EIF3H: variants seen among roughly 807,000 people sequenced by gnomAD.
EIF3H encodes the protein eukaryotic translation initiation factor 3 subunit H, also known as eIF-3-gamma.
EIF3H carries 26 observed loss-of-function variants against 44.2 expected under a neutral mutation model. The observed-to-expected ratio is 0.59, with a 90% CI of 0.43 to 0.82. EIF3H has a LOEUF of 0.82. Ranked by LOEUF, EIF3H falls within the 40% of genes least tolerant of loss-of-function variation. EIF3H has a pLI of 0.00. For missense variants in EIF3H, 359 were observed against 432.8 expected (o/e 0.83, Z 1.51); for synonymous variants, 166 against 151.9 (o/e 1.09, Z -0.68).
chr8:116,659,028 G>GTTA (rs748650267), intron 2 of EIF3H, 48 bp from the exon 3 acceptor site: 225 of 1,511,090 alleles, frequency 1.5e-4, no homozygotes, highest in Non-Finnish European at 1.9e-4. Flanking sequence ...TTTTAATGAT[G>GTTA]TTACCAACAT....
chr8:116,729,667 A>G (rs1814918611), intron 1 of EIF3H, among the ~76,000 whole-genome samples: 1 of 152,230 alleles, frequency 6.6e-6, no homozygotes, highest in African/African-American at 2.4e-5. Context: ...ACAAAAAACA[A>G]TCAGTATGAG....
At chr8:116,728,365 G>C (rs1586480303) in intron 1 of EIF3H, among the ~76,000 whole-genome samples, 1 of 152,168 alleles carries the variant, frequency 6.6e-6, no homozygotes, top group Admixed American at 6.5e-5. Context: ...CATCTAGGAA[G>C]TAGTAGAGCC....
Position 116,658,753 on chromosome 8 carries a change from GA to G in EIF3H, c.457+59del, listed in dbSNP as rs567088352. ...ACTGCTCTTAGAGGCAAAAAGGACA[GA>G]AAGCAAAAATAGTAGTAATAATATT... is the stretch of plus-strand genomic sequence containing the variant. On this transcript the variant is annotated intron_variant, in intron 3 of 7. Transcript: ENST00000521861. 1,264 of 1,553,994 alleles carry G rather than the reference GA, an allele frequency of 8.1e-4. 1 individual carries two copies. Among genetic ancestry groups the G allele is most frequent in the Non-Finnish European group, 1.1e-3 (1,214 of 1,151,450 alleles).
At chr8:116,741,857 C>G (rs1373742653) in intron 1 of EIF3H, among the ~76,000 whole-genome samples, 1 of 152,168 alleles carries the variant, frequency 6.6e-6, no homozygotes, top group African/African-American at 2.4e-5. Flanking sequence ...TGGCAGTTTT[C>G]TTATTTGGTT....
In EIF3H at chr8:116,691,875, A is replaced by AG. The variant is rs1252581875; in HGVS notation, c.290-32896_290-32895insC. On this transcript the variant is annotated intron_variant, in intron 2 of 7. Transcript: ENST00000521861. ...TGACAGAGAAAGACTGTCTCAAAAA[A>AG]AAAAAAAAAAGAGGAGGTACAACAT... Among the ~76,000 whole-genome samples, 5 of 151,920 alleles carry AG rather than the reference A, an allele frequency of 3.3e-5. No homozygotes were observed. The East Asian group carries it at 9.7e-4, about 29-fold the overall frequency.
upstream of EIF3H, among the ~76,000 whole-genome samples, chr8:116,760,458 AAAT>A (rs1384474704): frequency 1.3e-5 from 2 of 152,254 alleles, no homozygotes; most frequent in Admixed American, 6.5e-5. Flanking sequence ...AATAAAAAGA[AAAT>A]AATATTCATT....
At position 116,655,991 on chromosome 8, in the gene EIF3H, T is replaced by A. The variant is rs760390298; in HGVS notation, c.572A>T (p.Asn191Ile). Residue 191 changes from asparagine to isoleucine, a missense_variant, in exon 5 of 8, where the codon AAT (asparagine) becomes ATT (isoleucine). By Grantham distance (149) the Asn-to-Ile change is moderately radical (BLOSUM62 -3). Around this residue, in one of 5 missense-constraint regions of EIF3H, gnomAD observed 85 missense variants for 79.2 expected, o/e 1.07. Transcript: ENST00000521861. ...TTCAAACATGTACTCAAAGGTGATA[T>A]TTGCTTTTTTCAATCTGTGAAGCAT... ...DFSPEALKKA[N>I]ITFEYMFEEV... The A allele has an allele frequency of 2.5e-6, 4 of 1,613,286 alleles. No individual in the cohort carries two copies. Among genetic ancestry groups the A allele is most frequent in the Non-Finnish European group, 3.4e-6 (4 of 1,179,618 alleles).
intron 2 of EIF3H, among the ~76,000 whole-genome samples, chr8:116,722,922 T>A (rs1023582361): frequency 6.6e-6 from 1 of 152,302 alleles, no homozygotes; most frequent in East Asian, 1.9e-4. Flanking sequence ...AAAGAGCTTG[T>A]AGAAATTTAA....
intron 2 of EIF3H, among the ~76,000 whole-genome samples, chr8:116,716,552 G>A (rs1279104065): frequency 6.6e-6 from 1 of 152,068 alleles, no homozygotes; most frequent in African/African-American, 2.4e-5. Flanking sequence ...TGATGAAAGA[G>A]AGGATTTACT....
At chr8:116,745,309 T>C (rs1815213629) in intron 1 of EIF3H, among the ~76,000 whole-genome samples, 1 of 152,212 alleles carries the variant, frequency 6.6e-6, no homozygotes, top group Non-Finnish European at 1.5e-5. Context: ...ATCAACAATG[T>C]AAGAAATTAC....
intron 2 of EIF3H, among the ~76,000 whole-genome samples, chr8:116,663,835 G>GCGCA (rs906505279): frequency 6.6e-6 from 1 of 151,214 alleles, no homozygotes; most frequent in Non-Finnish European, 1.5e-5. Flanking sequence ...AGAGGCTGAG[G>GCGCA]CGCAAGAATT....
intron 2 of EIF3H, among the ~76,000 whole-genome samples, chr8:116,680,135 C>A (rs1813951046): frequency 1.5e-5 from 1 of 67,106 alleles, no homozygotes; most frequent in Non-Finnish European, 3.9e-5. Flanking sequence ...GGCGCCTCTG[C>A]CCGGCCGCCC....
At chr8:116,716,804 C>CAG (rs1369776264) in intron 2 of EIF3H, among the ~76,000 whole-genome samples, 27 of 152,060 alleles carry the variant, frequency 1.8e-4, no homozygotes, top group Non-Finnish European at 3.5e-4. Context: ...ATTGTTTGTC[C>CAG]ATCTCTGATT....
intron 2 of EIF3H, among the ~76,000 whole-genome samples, chr8:116,708,570 T>C (rs1417538311): frequency 6.6e-6 from 1 of 152,056 alleles, no homozygotes; most frequent in East Asian, 1.9e-4. Flanking sequence ...AAAGGCCAAG[T>C]GAGATAATTT....
chr8:116,705,278 G>C (rs1814448869), intron 2 of EIF3H, among the ~76,000 whole-genome samples: 1 of 152,084 alleles, frequency 6.6e-6, no homozygotes, highest in Non-Finnish European at 1.5e-5. Flanking sequence ...GAAAATATTA[G>C]CAAGAATCAA....
intron 2 of EIF3H, among the ~76,000 whole-genome samples, chr8:116,721,562 G>C (rs1307519846): frequency 6.6e-6 from 1 of 152,208 alleles, no homozygotes; most frequent in East Asian, 1.9e-4. Context: ...CCATGCACCT[G>C]GAAAAGCCGC....
chr8:116,656,662 T>A (rs1240309345), intron 4 of EIF3H, among the ~76,000 whole-genome samples: 1 of 152,170 alleles, frequency 6.6e-6, no homozygotes. Context: ...ATTTCTATAA[T>A]TAACAGAAAA....
In EIF3H at chr8:116,643,008, T is replaced by TA. The variant is rs1423299908; in HGVS notation, c.*1997dup. On this transcript the variant is annotated 3_prime_UTR_variant, in exon 8 of 8. Coordinates refer to ENST00000521861, the MANE Select transcript of EIF3H (RefSeq NM_003756.3). ...GACTCAGTTAAATTACTCTTAATCC[T>TA]AAAAAATACATAAGTTATGTTCCAA... is the stretch of plus-strand genomic sequence containing the variant. 1 of 152,230 alleles carries TA rather than the reference T, an allele frequency of 6.6e-6. No homozygotes were observed. The highest frequency in any genetic ancestry group is 1.5e-5 in the Non-Finnish European group (1 of 68,030). 9.4% of individuals were successfully genotyped at this position (152,230 alleles called of 1,614,324 possible).
intron 1 of EIF3H, 127 bp from the exon 2 acceptor site, chr8:116,726,299 T>A: frequency 9.9e-7 from 1 of 1,009,470 alleles, no homozygotes; most frequent in Non-Finnish European, 1.4e-6. Flanking sequence ...GAGGAATAAA[T>A]AAATGTCTTA....
Sources: allele counts gnomAD v4.1 joint callset (sites outside exome capture counted in the v4.1 genomes callset), GRCh38; gene constraint gnomAD v4.1.1; regional missense constraint gnomAD v4.1.1; transcripts MANE v1.5; gene names NCBI Gene and HGNC (gene_info 2026-07-23, HGNC 2026-07-21).